PELI1: variants seen among roughly 807,000 people sequenced by gnomAD.
PELI1 encodes pellino E3 ubiquitin protein ligase 1.
In PELI1, 15 loss-of-function variants were observed where a neutral mutation model predicts 41.3. That is an observed-to-expected ratio of 0.36 (90% CI 0.24 to 0.56). PELI1 has a LOEUF of 0.56. Among genes scored for constraint, PELI1 ranks in the 20% least tolerant of loss-of-function variants. The pLI is 0.82. For synonymous variants in PELI1, 178 were observed against 180.1 expected, an observed-to-expected ratio of 0.99 and a Z score of 0.09; for missense variants, 403 against 525.5, an observed-to-expected ratio of 0.77 and a Z score of 2.28.
rs1222342768 is a variant in PELI1 at position 64,128,647 on chromosome 2, T to A, written c.-70+15434A>T. ...AAAAATTCTTATTTTGCTTCTACTG[T>A]TATCTTTGTCCTAATTATGCCATCC... On this transcript the variant is annotated intron_variant, in intron 1 of 6. Coordinates refer to ENST00000358912, the MANE Select transcript of PELI1 (RefSeq NM_020651.4). Among the ~76,000 whole-genome samples, 4 of 152,184 alleles carry A rather than the reference T, an allele frequency of 2.6e-5. No individual in the cohort carries two copies. The East Asian group carries it at 7.7e-4, about 29-fold the overall frequency.
intron 2 of PELI1, among the ~76,000 whole-genome samples, chr2:64,107,989 T>C (rs1680678356): frequency 1.3e-5 from 2 of 152,204 alleles, no homozygotes; most frequent in Admixed American, 1.3e-4. Context: ...TTCCATTTCA[T>C]CTTTGAGAAA....
chr2:64,104,722 A>G lies in PELI1; in HGVS notation c.180T>C (p.Ala60=). 6.2e-7 allele frequency: 1 copy of G among 1,605,110 alleles called. No homozygotes were observed. Among genetic ancestry groups the G allele is most frequent in the South Asian group, 1.1e-5 (1 of 89,564 alleles). ...TTACCTTTGCAGCCTGAGGAGTACAAGCAATATGCACAGTGCTGGGCTTCA... is the reference window on the plus strand; with the variant it reads ...TTACCTTTGCAGCCTGAGGAGTACAGGCAATATGCACAGTGCTGGGCTTCA... ...NGVKPSTVHI[A]CTPQAAKAIS... is the part of the protein sequence containing the mutation. The change falls in exon 3 of 7, where the codon GCT becomes GCC. Residue 60 remains alanine, a synonymous_variant. Transcript: ENST00000358912.
chr2:64,129,411 C>A (rs994572863), intron 1 of PELI1, among the ~76,000 whole-genome samples: 1 of 152,056 alleles, frequency 6.6e-6, no homozygotes, highest in Non-Finnish European at 1.5e-5. Flanking sequence ...TGAAAAAATA[C>A]GAGGCTCAGA....
At chr2:64,104,491 C>T in intron 3 of PELI1, 1 of 628,074 alleles carries the variant, frequency 1.6e-6, no homozygotes, top group Non-Finnish European at 2.3e-6. Context: ...ACCCACTGAT[C>T]CTGGTTTGTC....
intron 1 of PELI1, among the ~76,000 whole-genome samples, chr2:64,115,706 G>A (rs1029778788): frequency 1.3e-5 from 2 of 152,100 alleles, no homozygotes; most frequent in African/African-American, 2.4e-5. Flanking sequence ...AGGTAAAGTG[G>A]TCCAGATTTT....
chr2:64,139,660 C>T (rs1315155549), intron 1 of PELI1, among the ~76,000 whole-genome samples: 1 of 152,196 alleles, frequency 6.6e-6, no homozygotes, highest in East Asian at 1.9e-4. Context: ...AGAATGTAAA[C>T]ACCATGAAAG....
chr2:64,107,148 C>T (rs532178458), intron 2 of PELI1, among the ~76,000 whole-genome samples: 3 of 152,018 alleles, frequency 2.0e-5, no homozygotes, highest in Non-Finnish European at 4.4e-5. Context: ...AGGCTGGTCT[C>T]GAACTCCTGA....
intron 2 of PELI1, among the ~76,000 whole-genome samples, chr2:64,107,507 G>C (rs1329483486): frequency 6.6e-6 from 1 of 151,996 alleles, no homozygotes; most frequent in African/African-American, 2.4e-5. Flanking sequence ...ACAGCACAAA[G>C]CAATAACTAC....
At chr2:64,100,158 T>C (rs904071785) in intron 4 of PELI1, among the ~76,000 whole-genome samples, 39 of 152,326 alleles carry the variant, frequency 2.6e-4, no homozygotes, top group African/African-American at 9.4e-4. Flanking sequence ...TTATCTGCAC[T>C]TTACAGAGGA....
intron 4 of PELI1, 110 bp downstream of exon 4, chr2:64,100,288 T>A: frequency 1.6e-6 from 1 of 638,270 alleles, no homozygotes; most frequent in Non-Finnish European, 2.8e-6. Context: ...TATATTTTAA[T>A]AAAATACAAT....
At chr2:64,139,777 C>T (rs537720138) in intron 1 of PELI1, among the ~76,000 whole-genome samples, 1 of 152,284 alleles carries the variant, frequency 6.6e-6, no homozygotes, top group African/African-American at 2.4e-5. Flanking sequence ...CACCGCTCAC[C>T]AACAGCAGAA....
chr2:64,142,831 A>C (rs1681957143), intron 1 of PELI1, among the ~76,000 whole-genome samples: 1 of 152,222 alleles, frequency 6.6e-6, no homozygotes, highest in African/African-American at 2.4e-5. Flanking sequence ...TATTCGACAC[A>C]GTAAAGGACA....
At position 64,096,396 on chromosome 2, in the gene PELI1, GA is replaced by G; in HGVS notation, c.501+16del. 1 of 1,599,720 alleles carries G rather than the reference GA, an allele frequency of 6.3e-7. No homozygotes were observed. The highest frequency in any genetic ancestry group is 8.5e-7 in the Non-Finnish European group (1 of 1,170,096). The stretch of plus-strand genomic sequence containing the variant: ...CTAGTATAAAAGAAAGCATCATTTA[GA>G]AAAAAAGCTTTTTACCCCAAGAAAG... On this transcript the variant is annotated intron_variant, in intron 5 of 6. Transcript: ENST00000358912.
At chr2:64,120,047 TG>T (rs1681155168) in intron 1 of PELI1, among the ~76,000 whole-genome samples, 1 of 152,248 alleles carries the variant, frequency 6.6e-6, no homozygotes, top group African/African-American at 2.4e-5. Flanking sequence ...CATTTTCAAT[TG>T]ATCACACTTG....
intron 1 of PELI1, among the ~76,000 whole-genome samples, chr2:64,123,159 C>A (rs1234638473): frequency 6.6e-6 from 1 of 152,212 alleles, no homozygotes; most frequent in African/African-American, 2.4e-5. Context: ...TAGCTCCACT[C>A]TTTTCTATAT....
chr2:64,131,441 A>G (rs2103736057), intron 1 of PELI1, among the ~76,000 whole-genome samples: 1 of 152,034 alleles, frequency 6.6e-6, no homozygotes, highest in South Asian at 2.1e-4. Flanking sequence ...TTTTAGTTGT[A>G]TTTATTGTTG....
At chr2:64,111,655 T>A (rs942982621) in intron 1 of PELI1, among the ~76,000 whole-genome samples, 18 of 152,118 alleles carry the variant, frequency 1.2e-4, no homozygotes, top group Non-Finnish European at 4.4e-5. Flanking sequence ...TTTAGAAAAA[T>A]AAACTTATGC....
In PELI1 at chr2:64,124,234, G is replaced by A. The variant is rs115945775; in HGVS notation, c.-69-15855C>T. 7.2e-3 allele frequency among the ~76,000 whole-genome samples: 1,089 copies of A among 152,274 alleles called. 19 individuals carry two copies. The highest frequency in any genetic ancestry group is 0.025 in the African/African-American group (1,042 of 41,546). On this transcript the variant is annotated intron_variant, in intron 1 of 6. Coordinates refer to ENST00000358912, the MANE Select transcript of PELI1 (RefSeq NM_020651.4). ...AAAATGTTCTAAAATTGATTGTGCT[G>A]CACAGCTCTGAGACTATACTAAAAA...
chr2:64,096,076 T>A (rs1680223919), intron 6 of PELI1, 49 bp downstream of exon 6: 3 of 1,276,826 alleles, frequency 2.3e-6, no homozygotes, highest in Non-Finnish European at 2.2e-6. Context: ...GTTCTACTCA[T>A]CCTATGTGTT....
Sources: gnomAD v4.1 joint callset for allele counts (sites outside exome capture counted in the v4.1 genomes callset) on GRCh38, gnomAD v4.1.1 for gene constraint, MANE v1.5 for transcripts, NCBI Gene and HGNC (gene_info 2026-07-23, HGNC 2026-07-21) for gene names.